MRTFB: variants seen among roughly 807,000 people sequenced by gnomAD.
MRTFB encodes myocardin-related transcription factor B.
Under a neutral mutation model 104.2 loss-of-function variants are expected in MRTFB, and 29 were observed. The ratio of observed to expected loss-of-function variants is 0.28; its 90% CI spans 0.21 to 0.38. MRTFB has a LOEUF of 0.38. Among genes scored for constraint, MRTFB ranks in the 10% least tolerant of loss-of-function variants. The probability of loss-of-function intolerance (pLI) is 1.00; values close to 1 mark genes in which losing one functional copy is unlikely to be tolerated. For missense variants in MRTFB, 1,270 were observed against 1,341.6 expected, an observed-to-expected ratio of 0.95 and a Z score of 0.83; for synonymous variants, 535 against 519.5, an observed-to-expected ratio of 1.03 and a Z score of -0.41.
At chr16:14,212,318 CTATT>C (rs1430857043) in intron 4 of MRTFB, 32 bp from the exon 5 acceptor site, 1 of 1,600,156 alleles carries the variant, frequency 6.2e-7, no homozygotes, top group Non-Finnish European at 8.6e-7. Context: ...AGTATGAACT[CTATT>C]TATACTGTGG....
At chr16:14,009,115 T>A in the MRTFB span, among the ~76,000 whole-genome samples, 2 of 151,950 alleles carry the variant, frequency 1.3e-5, no homozygotes, top group Non-Finnish European at 2.9e-5. Context: ...ACCTGGCTAA[T>A]TTTTTAAAAT....
chr16:14,250,872 T>C (rs2043225231), intron 13 of MRTFB, among the ~76,000 whole-genome samples: 3 of 152,204 alleles, frequency 2.0e-5, no homozygotes, highest in Admixed American at 6.5e-5. Flanking sequence ...CTGATAGTCC[T>C]ATTTACCTAA....
chr16:14,217,387 T>C, intron 7 of MRTFB, 100 bp downstream of exon 7: 2 of 993,710 alleles, frequency 2.0e-6, no homozygotes, highest in Non-Finnish European at 1.4e-6. Flanking sequence ...TCGTGAGTAT[T>C]GTTTTCTGGG....
intron 8 of MRTFB, among the ~76,000 whole-genome samples, chr16:14,221,467 A>G (rs1347436409): frequency 6.6e-6 from 1 of 152,188 alleles, no homozygotes; most frequent in Admixed American, 6.5e-5. Context: ...TACTTACTTT[A>G]CTTAACTGAT....
In MRTFB at chr16:14,140,656, C is replaced by G. The variant is rs2037950470; in HGVS notation, c.50C>G (p.Ala17Gly). Residue 17 changes from alanine to glycine, a missense_variant, in exon 3 of 17, where the codon GCC (alanine) becomes GGC (glycine). Ala to Gly is a moderately conservative substitution (Grantham distance 60). Around this residue, in one of 3 missense-constraint regions of MRTFB, gnomAD observed 62 missense variants for 57.2 expected, o/e 1.08. Coordinates refer to ENST00000571589, the MANE Select transcript of MRTFB (RefSeq NM_001308142.2). ...ACCGAGGATGAAGTGGGACCTTTAG[C>G]CCATCTTGCTCCAAGTCCTCAGAGT... ...IDTEDEVGPL[A>G]HLAPSPQSEA... 2 of 1,614,048 alleles carry G rather than the reference C, an allele frequency of 1.2e-6. No individual in the cohort carries two copies. Among genetic ancestry groups the G allele is most frequent in the Non-Finnish European group, 1.7e-6 (2 of 1,180,046 alleles).
chr16:14,173,484 C>CT (rs554738668), intron 3 of MRTFB, among the ~76,000 whole-genome samples: 130 of 152,240 alleles, frequency 8.5e-4, no homozygotes, highest in Non-Finnish European at 1.5e-3. Context: ...ATTATAATCT[C>CT]TAACTGCTTA....
intron 11 of MRTFB, among the ~76,000 whole-genome samples, 177 bp from the exon 12 acceptor site, chr16:14,246,296 C>T (rs148277078): frequency 8.9e-4 from 135 of 152,294 alleles, no homozygotes; most frequent in Non-Finnish European, 1.5e-3. Flanking sequence ...TCCTCAAGTG[C>T]TTCTAGTCTG....
intron 2 of MRTFB, among the ~76,000 whole-genome samples, chr16:14,117,430 T>C (rs2036599720): frequency 6.6e-6 from 1 of 152,234 alleles, no homozygotes; most frequent in Admixed American, 6.5e-5. Context: ...TCCCATAGCA[T>C]CTATTCTTTT....
the MRTFB span, among the ~76,000 whole-genome samples, chr16:14,018,370 A>G: frequency 6.6e-6 from 1 of 152,360 alleles, no homozygotes; most frequent in Non-Finnish European, 1.5e-5. Context: ...CACTTAGAAC[A>G]GTACTTGGCA....
chr16:14,168,217 ATG>A lies in MRTFB; in HGVS notation c.154+27483_154+27484del, dbSNP rs61205256. 9.5e-4 allele frequency among the ~76,000 whole-genome samples: 141 copies of A among 147,716 alleles called. 1 individual carries two copies. Among genetic ancestry groups the A allele is most frequent in the Middle Eastern group, 6.9e-3 (2 of 290 alleles). On this transcript the variant is annotated intron_variant, in intron 3 of 16. Coordinates refer to ENST00000571589, the MANE Select transcript of MRTFB (RefSeq NM_001308142.2). ...AGTGGTTTACATTTTTAAAGATAAA[ATG>A]TGTGTGTGTGTGTGTGTGTGTGTGT...
At chr16:14,140,470 C>T (rs1264919130) in intron 2 of MRTFB, 74 bp from the exon 3 acceptor site, 2 of 1,076,720 alleles carry the variant, frequency 1.9e-6, no homozygotes, top group Admixed American at 2.5e-5. Context: ...ACCCAGGATT[C>T]CCGTTTTAAT....
chr16:14,015,171 A>G, the MRTFB span, among the ~76,000 whole-genome samples: 1 of 152,250 alleles, frequency 6.6e-6, no homozygotes, highest in Non-Finnish European at 1.5e-5. Flanking sequence ...AAAGGGAAAC[A>G]GCCACAATGC....
intron 2 of MRTFB, among the ~76,000 whole-genome samples, chr16:14,095,699 T>C (rs1375221457): frequency 1.3e-5 from 2 of 152,226 alleles, no homozygotes; most frequent in African/African-American, 4.8e-5. Context: ...GTTGAATGTC[T>C]CTGCTTTTGG....
chr16:14,220,820 A>C (rs957583404), intron 8 of MRTFB, among the ~76,000 whole-genome samples: 3 of 152,188 alleles, frequency 2.0e-5, no homozygotes, highest in Non-Finnish European at 4.4e-5. Flanking sequence ...ACTTTACAGG[A>C]TGTTAACAGT....
intron 2 of MRTFB, among the ~76,000 whole-genome samples, chr16:14,134,787 C>T (rs77595559): frequency 6.6e-6 from 1 of 152,102 alleles, no homozygotes; most frequent in African/African-American, 2.4e-5. Context: ...ATACATATAC[C>T]ATGTTATCAG....
chr16:14,095,665 A>G (rs748770073), intron 2 of MRTFB, among the ~76,000 whole-genome samples: 1 of 152,218 alleles, frequency 6.6e-6, no homozygotes, highest in Non-Finnish European at 1.5e-5. Flanking sequence ...AAATGGACAA[A>G]TTTCATCATT....
chr16:14,230,613 T>C lies in MRTFB; in HGVS notation c.694-3533T>C, dbSNP rs1041972151. On this transcript the variant is annotated intron_variant, in intron 8 of 16. Transcript: ENST00000571589. ...ATCTCACACCAGTTAGAATGGCAAT[T>C]ATTAAAAAGTCAGGAAACAACAGGT... 2.1e-3 allele frequency among the ~76,000 whole-genome samples: 321 copies of C among 152,154 alleles called. 1 individual carries two copies. Among genetic ancestry groups the C allele is most frequent in the South Asian group, 5.2e-3 (25 of 4,818 alleles).
chr16:14,259,373 A>AT (rs549066631), intron 16 of MRTFB, among the ~76,000 whole-genome samples: 13 of 152,170 alleles, frequency 8.5e-5, no homozygotes, highest in South Asian at 2.1e-4. Flanking sequence ...CTAAAATGAG[A>AT]TTTTTTTTAA....
intron 15 of MRTFB, 44 bp downstream of exon 15, chr16:14,252,546 T>C (rs2043300498): frequency 6.2e-7 from 1 of 1,610,640 alleles, no homozygotes; most frequent in Non-Finnish European, 8.5e-7. Context: ...ATGGTGGATG[T>C]GCCCACGTTC....
Sources: allele counts gnomAD v4.1 joint callset (sites outside exome capture counted in the v4.1 genomes callset), GRCh38; gene constraint gnomAD v4.1.1; regional missense constraint gnomAD v4.1.1; transcripts MANE v1.5; gene names NCBI Gene and HGNC (gene_info 2026-07-23, HGNC 2026-07-21).